The following CADPS2 variants were observed in gnomAD, a reference collection of about 807,000 sequenced individuals.
The protein encoded by CADPS2 is calcium dependent secretion activator 2.
A neutral mutation model predicts 172.5 loss-of-function variants in CADPS2; 93 were observed. The observed-to-expected ratio is 0.54, with a 90% CI of 0.46 to 0.64. CADPS2 has a LOEUF of 0.64. Among genes scored for constraint, CADPS2 ranks in the 30% least tolerant of loss-of-function variants. The probability of loss-of-function intolerance (pLI) is 0.00; values close to 1 mark genes in which losing one functional copy is unlikely to be tolerated. For synonymous variants in CADPS2, 546 were observed against 555.2 expected, an observed-to-expected ratio of 0.98 and a Z score of 0.23; for missense variants, 1,420 against 1,565.9, an observed-to-expected ratio of 0.91 and a Z score of 1.57.
intron 8 of CADPS2, among the ~76,000 whole-genome samples, chr7:122,541,234 T>C (rs1262873904): frequency 3.3e-5 from 5 of 151,168 alleles, no homozygotes; most frequent in African/African-American, 4.9e-5. Flanking sequence ...AGTCTCACTG[T>C]TGCCCAGGTT....
At chr7:122,392,998 TTTC>T (rs1478507173) in intron 22 of CADPS2, among the ~76,000 whole-genome samples, 195 bp downstream of exon 22, 1 of 152,176 alleles carries the variant, frequency 6.6e-6, no homozygotes, top group African/African-American at 2.4e-5. Context: ...TAGCGTGTTT[TTTC>T]TTTTTAATTG....
At chr7:122,471,142 T>TTC (rs903744275) in intron 14 of CADPS2, among the ~76,000 whole-genome samples, 54 of 151,954 alleles carry the variant, frequency 3.6e-4, no homozygotes, top group African/African-American at 1.2e-3. Context: ...CTCATATTTT[T>TTC]TCTCTCTCTC....
At chr7:122,347,349 T>C (rs1048148001) in intron 27 of CADPS2, among the ~76,000 whole-genome samples, 2 of 152,144 alleles carry the variant, frequency 1.3e-5, no homozygotes, top group African/African-American at 4.8e-5. Flanking sequence ...TTAACCAATA[T>C]ATAGTATAGG....
intron 1 of CADPS2, among the ~76,000 whole-genome samples, chr7:122,817,466 T>C (rs1264356595): frequency 6.6e-6 from 1 of 152,178 alleles, no homozygotes; most frequent in African/African-American, 2.4e-5. Context: ...CGACACGTTT[T>C]ATCCGTGGAC....
intron 2 of CADPS2, among the ~76,000 whole-genome samples, chr7:122,685,897 A>G (rs545461654): frequency 1.3e-5 from 2 of 152,326 alleles, no homozygotes; most frequent in African/African-American, 4.8e-5. Flanking sequence ...AGATGCCACA[A>G]ACCTTTGGAG....
chr7:122,631,967 T>A (rs1363979254), intron 3 of CADPS2, among the ~76,000 whole-genome samples: 1 of 152,164 alleles, frequency 6.6e-6, no homozygotes, highest in African/African-American at 2.4e-5. Flanking sequence ...AGGTGCTAAT[T>A]TGCTTAGGAT....
At chr7:122,374,446 A>G (rs1358040238) in intron 25 of CADPS2, among the ~76,000 whole-genome samples, 2 of 152,138 alleles carry the variant, frequency 1.3e-5, no homozygotes, top group African/African-American at 4.8e-5. Context: ...TAAGTAAAGA[A>G]GAAAAAGAAA....
At chr7:122,535,635 G>C (rs1472408750) in intron 8 of CADPS2, among the ~76,000 whole-genome samples, 1 of 151,960 alleles carries the variant, frequency 6.6e-6, no homozygotes, top group Non-Finnish European at 1.5e-5. Flanking sequence ...ACACATTCCT[G>C]TAAGAACTAG....
chr7:122,390,881 T>C (rs2044280992), intron 22 of CADPS2, among the ~76,000 whole-genome samples: 1 of 151,992 alleles, frequency 6.6e-6, no homozygotes, highest in African/African-American at 2.4e-5. Context: ...TCTGAGATAA[T>C]TTCCTAAAAA....
intron 3 of CADPS2, among the ~76,000 whole-genome samples, chr7:122,635,939 G>A (rs1224873863): frequency 6.7e-6 from 1 of 148,332 alleles, no homozygotes. Context: ...ATTTTTTTTT[G>A]TTTTCCATTT....
chr7:122,744,477 T>C (rs2092635042), intron 1 of CADPS2, among the ~76,000 whole-genome samples: 1 of 152,204 alleles, frequency 6.6e-6, no homozygotes, highest in African/African-American at 2.4e-5. Flanking sequence ...CTTAATTTAT[T>C]CTAAAACATT....
intron 1 of CADPS2, among the ~76,000 whole-genome samples, chr7:122,819,398 A>G (rs1401397272): frequency 5.3e-5 from 8 of 152,104 alleles, no homozygotes; most frequent in Admixed American, 1.3e-4. Flanking sequence ...GAAGACTGAC[A>G]CTGCCCGATC....
chr7:122,319,948 A>G lies in CADPS2; in HGVS notation c.*217T>C, dbSNP rs2032038744. On this transcript the variant is annotated 3_prime_UTR_variant, in exon 30 of 30. Transcript: ENST00000449022. ...ACACAAAAGAGGATGCTCTTCTCCA[A>G]AAAAACAAACAAACAAACAAACAAA... is the stretch of plus-strand genomic sequence containing the variant. 1.5e-5 allele frequency: 6 copies of G among 408,746 alleles called. No homozygotes were observed. In the South Asian group the frequency reaches 3.0e-4, roughly 20 times the overall value. The allele number at this position is 408,746 out of a possible 1,614,324, so 25.3% of individuals were successfully genotyped here. A position where few individuals can be genotyped will look rare whatever the true frequency, so the allele number is the denominator to read the frequency against.
At chr7:122,688,332 C>G (rs2135977766) in intron 2 of CADPS2, among the ~76,000 whole-genome samples, 1 of 152,368 alleles carries the variant, frequency 6.6e-6, no homozygotes. Flanking sequence ...ACCCAATTCA[C>G]TTGCCACTGC....
intron 14 of CADPS2, among the ~76,000 whole-genome samples, chr7:122,459,164 C>T (rs540612213): frequency 6.1e-4 from 93 of 151,678 alleles, no homozygotes; most frequent in African/African-American, 1.9e-3. Context: ...ATTGTTTTAA[C>T]GAACTGTAAG....
chr7:122,465,437 T>G (rs2055007349), intron 14 of CADPS2, among the ~76,000 whole-genome samples: 1 of 152,196 alleles, frequency 6.6e-6, no homozygotes, highest in South Asian at 2.1e-4. Context: ...ATGGCCTGTT[T>G]GGAACTGGGC....
chr7:122,430,420 A>G (rs1304781383), intron 17 of CADPS2, among the ~76,000 whole-genome samples: 1 of 152,208 alleles, frequency 6.6e-6, no homozygotes, highest in Non-Finnish European at 1.5e-5. Flanking sequence ...TCTTTGAACC[A>G]AAGAACAAAT....
At chr7:122,771,608 G>A (rs1260744166) in intron 1 of CADPS2, among the ~76,000 whole-genome samples, 1 of 152,164 alleles carries the variant, frequency 6.6e-6, no homozygotes, top group African/African-American at 2.4e-5. Context: ...AGGATACAAT[G>A]GGAGTAGAAA....
chr7:122,416,073 C>T lies in CADPS2; in HGVS notation c.2568G>A (p.Glu856=). Residue 856 remains glutamate (E), a synonymous_variant, in exon 18 of 30, where the codon GAG becomes GAA. Transcript: ENST00000449022. ...AACAGGTCATCACCTCTGCATGATG[C>T]TCTTCATTCTGCTGTAAGACTTCTA... ...LCIEVLQQNE[E]HHAEGREAFA... 2 of 1,530,878 alleles carry T rather than the reference C, an allele frequency of 1.3e-6. No individual in the cohort carries two copies. The highest frequency in any genetic ancestry group is 1.8e-6 in the Non-Finnish European group (2 of 1,130,874). 94.8% of individuals were successfully genotyped at this position (1,530,878 alleles called of 1,614,324 possible).
Sources: allele counts gnomAD v4.1 joint callset (sites outside exome capture counted in the v4.1 genomes callset), GRCh38; gene constraint gnomAD v4.1.1; transcripts MANE v1.5; gene names NCBI Gene and HGNC (gene_info 2026-07-23, HGNC 2026-07-21).